The following FNDC3B variants were observed in gnomAD, a reference collection of about 807,000 sequenced individuals.
The protein encoded by FNDC3B is fibronectin type III domain-containing protein 3B.
Under a neutral mutation model 151.5 loss-of-function variants are expected in FNDC3B, and 12 were observed. The ratio of observed to expected loss-of-function variants is 0.08; its 90% CI spans 0.05 to 0.13. The LOEUF (loss-of-function observed/expected upper bound fraction) is 0.13. Ranked by LOEUF, FNDC3B falls within the 10% of genes least tolerant of loss-of-function variation. The pLI, the probability that FNDC3B is intolerant of heterozygous loss-of-function variation, is 1.00. For missense variants in FNDC3B, 1,214 were observed against 1,505.3 expected (o/e 0.81, Z 3.20); for synonymous variants, 528 against 549.0 (o/e 0.96, Z 0.54).
At chr3:172,348,212 T>A (rs958511493) in intron 21 of FNDC3B, among the ~76,000 whole-genome samples, 4 of 152,330 alleles carry the variant, frequency 2.6e-5, no homozygotes, top group Non-Finnish European at 4.4e-5. Flanking sequence ...GATGCCAAAG[T>A]CAAGTTCCCA....
chr3:172,181,025 T>C (rs1461770428), intron 3 of FNDC3B, among the ~76,000 whole-genome samples: 1 of 152,202 alleles, frequency 6.6e-6, no homozygotes, highest in African/African-American at 2.4e-5. Context: ...TAATAATCTC[T>C]AACTGATTTT....
chr3:172,186,590 T>C, intron 3 of FNDC3B: 4 of 625,908 alleles, frequency 6.4e-6, no homozygotes, highest in Non-Finnish European at 1.1e-5. Context: ...TATGGTATTT[T>C]TACTCTTATT....
chr3:172,165,912 A>C (rs1447021818), intron 3 of FNDC3B, among the ~76,000 whole-genome samples: 1 of 152,256 alleles, frequency 6.6e-6, no homozygotes, highest in African/African-American at 2.4e-5. Context: ...GTACTAAAAA[A>C]TACCTTAGTT....
At chr3:172,302,356 CTG>C (rs1355129254) in intron 9 of FNDC3B, 1 of 152,220 alleles carries the variant, frequency 6.6e-6, no homozygotes, top group East Asian at 1.9e-4. Flanking sequence ...CACCAACTCA[CTG>C]TTACTGGGAA....
rs1258190538 is a variant in FNDC3B, at chr3:172,112,492, A to G, written c.13A>G (p.Met5Val). 6.2e-7 allele frequency: 1 copy of G among 1,613,618 alleles called. No individual in the cohort carries two copies. Among genetic ancestry groups the G allele is most frequent in the African/African-American group, 1.3e-5 (1 of 74,938 alleles). ...AAGTTCTCCATGAATGTACGTCACA[A>G]TGATGATGACCGACCAAATCCCTCT... Reference protein sequence around the residue: MYVTMMMTDQIPLEL... With the variant: MYVTVMMTDQIPLEL... Residue 5 changes from methionine to valine, a missense_variant, in exon 2 of 26, where the codon ATG becomes GTG. By Grantham distance (21) the Met-to-Val change is conservative. Around this residue, in one of 7 missense-constraint regions of FNDC3B, gnomAD observed 113 missense variants for 177.8 expected, o/e 0.64. Coordinates refer to ENST00000415807, the MANE Select transcript of FNDC3B (RefSeq NM_022763.4).
intron 1 of FNDC3B, among the ~76,000 whole-genome samples, chr3:172,091,571 G>A (rs1718826216): frequency 6.6e-6 from 1 of 152,150 alleles, no homozygotes. Flanking sequence ...GTGCGTTTGT[G>A]TATGTGTGTA....
In FNDC3B at chr3:172,191,235, A is replaced by G. The variant is rs75832740; in HGVS notation, c.188-35636A>G. ...ACACTGAGTTTTTGTGCACGTGCTC[A>G]TGATTTTTAATTTGGTTGATGTTAA... On this transcript the variant is annotated intron_variant, in intron 3 of 25. Transcript: ENST00000415807. Among the ~76,000 whole-genome samples, 1,259 of 152,268 alleles carry G rather than the reference A, an allele frequency of 8.3e-3. 97 individuals are homozygous for G. In the East Asian group the frequency reaches 0.19, roughly 23 times the overall value.
chr3:172,143,108 G>A (rs1302269057), intron 3 of FNDC3B, among the ~76,000 whole-genome samples: 1 of 151,992 alleles, frequency 6.6e-6, no homozygotes, highest in African/African-American at 2.4e-5. Context: ...CTGGGGTAGG[G>A]GACACAAACA....
At chr3:172,381,618 C>G (rs1735443532) in intron 25 of FNDC3B, among the ~76,000 whole-genome samples, 1 of 151,496 alleles carries the variant, frequency 6.6e-6, no homozygotes, top group African/African-American at 2.4e-5. Flanking sequence ...TATCCCTCCC[C>G]TTGCCCCCCA....
intron 1 of FNDC3B, among the ~76,000 whole-genome samples, chr3:172,043,210 C>G (rs1386059085): frequency 1.3e-5 from 2 of 152,232 alleles, no homozygotes; most frequent in Non-Finnish European, 2.9e-5. Flanking sequence ...AGCCACCACA[C>G]CCGGACTAAG....
At chr3:172,186,791 T>G in intron 3 of FNDC3B, 1 of 699,984 alleles carries the variant, frequency 1.4e-6, no homozygotes, top group East Asian at 2.7e-5. Flanking sequence ...CTCTCATGTT[T>G]CATGATCTGT....
At position 172,285,948 on chromosome 3, in the gene FNDC3B, G is replaced by A; in HGVS notation, c.813G>A (p.Arg271=). The A allele has an allele frequency of 6.2e-7, 1 of 1,612,680 alleles. No homozygotes were observed. Among genetic ancestry groups the A allele is most frequent in the Non-Finnish European group, 8.5e-7 (1 of 1,179,378 alleles). The change falls in exon 7 of 26, where the codon AGG becomes AGA. Residue 271 remains arginine, a synonymous_variant. Transcript: ENST00000415807. ...CAGAATATGAGTTGGAAGTAAAGAG[G>A]GTGCAAGACATTCTTTCGGGAATAG... is the stretch of plus-strand genomic sequence containing the variant. ...DLQEYELEVK[R]VQDILSGIEK... is the part of the protein sequence containing the mutation.
At chr3:172,353,333 A>G (rs1260433993) in intron 22 of FNDC3B, among the ~76,000 whole-genome samples, 1 of 152,212 alleles carries the variant, frequency 6.6e-6, no homozygotes, top group African/African-American at 2.4e-5. Flanking sequence ...GTGGACTCAA[A>G]TCCTCAAGTC....
At chr3:172,342,760 C>T (rs1174130608) in intron 17 of FNDC3B, among the ~76,000 whole-genome samples, 1 of 152,112 alleles carries the variant, frequency 6.6e-6, no homozygotes, top group Non-Finnish European at 1.5e-5. Flanking sequence ...GTCTGCTAAT[C>T]TAACTTCAAA....
chr3:172,349,627 T>C (rs1472598714), intron 21 of FNDC3B, among the ~76,000 whole-genome samples: 1 of 152,174 alleles, frequency 6.6e-6, no homozygotes, highest in East Asian at 1.9e-4. Context: ...ATGTTAATAG[T>C]ATAGTATCAG....
intron 1 of FNDC3B, among the ~76,000 whole-genome samples, chr3:172,060,283 T>G (rs563788349): frequency 2.0e-5 from 3 of 152,290 alleles, no homozygotes; most frequent in Non-Finnish European, 2.9e-5. Context: ...TAGATGTCAG[T>G]CAGTCCTGTT....
intron 15 of FNDC3B, among the ~76,000 whole-genome samples, chr3:172,335,998 A>T (rs888282831): frequency 6.6e-6 from 1 of 152,288 alleles, no homozygotes; most frequent in Non-Finnish European, 1.5e-5. Context: ...AAAAATCTAG[A>T]TGTGCTTTTA....
chr3:172,131,599 G>T (rs1053204720), intron 2 of FNDC3B, among the ~76,000 whole-genome samples: 2 of 152,118 alleles, frequency 1.3e-5, no homozygotes, highest in Non-Finnish European at 2.9e-5. Flanking sequence ...AGCACCAAGG[G>T]TGAAGCTTAG....
At chr3:172,325,885 G>A (rs184477174) in intron 11 of FNDC3B, among the ~76,000 whole-genome samples, 6 of 152,256 alleles carry the variant, frequency 3.9e-5, no homozygotes, top group Admixed American at 2.6e-4. Flanking sequence ...GTGCAGTGGC[G>A]TGATCTCGAC....
Sources: gnomAD v4.1 joint callset for allele counts (sites outside exome capture counted in the v4.1 genomes callset) on GRCh38, gnomAD v4.1.1 for gene constraint, gnomAD v4.1.1 regional missense constraint, MANE v1.5 for transcripts, NCBI Gene and HGNC (gene_info 2026-07-23, HGNC 2026-07-21) for gene names.